The following SLC25A19 variants were observed in gnomAD, a reference collection of about 807,000 sequenced individuals.
SLC25A19 encodes the protein solute carrier family 25 member 19.
In SLC25A19, 18 loss-of-function variants were observed where a neutral mutation model predicts 27.9. That is an observed-to-expected ratio of 0.64 (90% CI 0.45 to 0.96). The LOEUF is 0.96. Among genes scored for constraint, SLC25A19 ranks in the 40% least tolerant of loss-of-function variants. The probability of loss-of-function intolerance (pLI) is 0.00; values close to 1 mark genes in which losing one functional copy is unlikely to be tolerated. For missense variants in SLC25A19, 371 were observed against 418.3 expected, an observed-to-expected ratio of 0.89 and a Z score of 0.99; for synonymous variants, 169 against 167.1, an observed-to-expected ratio of 1.01 and a Z score of -0.09.
chr17:75,280,622 G>C (rs970988497), intron 5 of SLC25A19, among the ~76,000 whole-genome samples: 1 of 152,008 alleles, frequency 6.6e-6, no homozygotes, highest in Non-Finnish European at 1.5e-5. Context: ...AGACCAGCCT[G>C]GCCAACATGG....
chr17:75,286,367 C>G lies in SLC25A19; in HGVS notation c.225G>C (p.Pro75=). The part of the protein sequence containing the change: ...ASRQILQEEG[P]TAFWKGHVPA... The stretch of plus-strand genomic sequence containing the variant: ...GGACGTGTCCTTTCCAGAAAGCTGT[C>G]GGACCCTCCTCCTGCAGAATCTGCC... The change falls in exon 4 of 8, where the codon CCG becomes CCC. Residue 75 remains proline, a synonymous_variant. Transcript: ENST00000416858. The G allele has an allele frequency of 3.7e-6, 6 of 1,614,130 alleles. No individual in the cohort carries two copies. The highest frequency in any genetic ancestry group is 5.1e-6 in the Non-Finnish European group (6 of 1,180,042).
intron 5 of SLC25A19, among the ~76,000 whole-genome samples, chr17:75,282,307 T>C (rs1047976217): frequency 2.0e-5 from 3 of 152,088 alleles, no homozygotes; most frequent in Non-Finnish European, 4.4e-5. Context: ...TCCTAGCACT[T>C]TGGGAGGCCG....
intron 5 of SLC25A19, among the ~76,000 whole-genome samples, chr17:75,278,944 C>T (rs960600735): frequency 2.0e-5 from 3 of 151,392 alleles, no homozygotes; most frequent in Admixed American, 6.6e-5. Context: ...GATTGTACCA[C>T]GGCACTCCAA....
At chr17:75,281,491 GT>G (rs1315328171) in intron 5 of SLC25A19, among the ~76,000 whole-genome samples, 1 of 152,092 alleles carries the variant, frequency 6.6e-6, no homozygotes, top group Non-Finnish European at 1.5e-5. Context: ...GAAGTCAAGA[GT>G]TTGAGACCAG....
chr17:75,287,294 A>T (rs1252744086), intron 2 of SLC25A19: 1 of 159,340 alleles, frequency 6.3e-6, no homozygotes, highest in Non-Finnish European at 1.3e-5. Flanking sequence ...TTTTGTAGAG[A>T]TAAGGTCTCA....
chr17:75,273,535 G>C lies in SLC25A19; in HGVS notation c.879C>G (p.Ala293=). 1 of 1,614,156 alleles carries C rather than the reference G, an allele frequency of 6.2e-7. No individual in the cohort carries two copies. The highest frequency in any genetic ancestry group is 8.5e-7 in the Non-Finnish European group (1 of 1,180,032). ...KGLSPSLLKA[A]LSTGFMFFSY... ...AGAAGAACATGAAGCCTGTGGAGAG[G>C]GCAGCCTTCAGCAAGCTGGGGGACA... Residue 293 remains alanine, a synonymous_variant, in exon 8 of 8, where the codon GCC becomes GCG. Transcript: ENST00000416858.
Position 75,278,246 on chromosome 17 carries a change from G to A in SLC25A19, c.549C>T (p.Ile183=), listed in dbSNP as rs781676267. 27 of 1,613,944 alleles carry A rather than the reference G, an allele frequency of 1.7e-5. No homozygotes were observed. The East Asian group carries it at 2.5e-4, about 15-fold the overall frequency. Residue 183 remains isoleucine (I), a synonymous_variant, in exon 6 of 8, where the codon ATC becomes ATT. Coordinates refer to ENST00000416858, the MANE Select transcript of SLC25A19 (RefSeq NM_001126121.2). ...VFYKGLAPTL[I]AIFPYAGLQF... is the part of the protein sequence containing the mutation. ...GCAGCCCGGCGTAGGGGAAGATGGC[G>A]ATCAAGGTGGGAGCCAAGCCTTTGT...
chr17:75,281,621 CA>C (rs562196651), intron 5 of SLC25A19, among the ~76,000 whole-genome samples: 308 of 152,272 alleles, frequency 2.0e-3, no homozygotes, highest in Non-Finnish European at 3.7e-3. Flanking sequence ...CGCTTGAACC[CA>C]GGAGGCAGAG....
At chr17:75,285,522 G>A (rs1245643032) in intron 4 of SLC25A19, among the ~76,000 whole-genome samples, 1 of 152,246 alleles carries the variant, frequency 6.6e-6, no homozygotes, top group Non-Finnish European at 1.5e-5. Context: ...CAGCCAGTAA[G>A]CACCTGACTT....
chr17:75,273,476 A>T lies in SLC25A19; in HGVS notation c.938T>A (p.Met313Lys). The T allele has an allele frequency of 6.2e-7, 1 of 1,614,110 alleles. No individual in the cohort carries two copies. Among genetic ancestry groups the T allele is most frequent in the Non-Finnish European group, 8.5e-7 (1 of 1,180,030 alleles). ...YEFFCNVFHC[M>K]NRTASQR is the part of the protein sequence containing the mutation. ...TCAGCGCTGGCTGGCTGTCCTGTTCATGCAGTGGAAGACATTACAGAAGAA... is the reference window on the plus strand; with the variant it reads ...TCAGCGCTGGCTGGCTGTCCTGTTCTTGCAGTGGAAGACATTACAGAAGAA... The change falls in exon 8 of 8, where the codon ATG (methionine) becomes AAG (lysine). Residue 313 changes from methionine to lysine, a missense_variant. Transcript: ENST00000416858.
chr17:75,283,326 A>AAAAT (rs922284797), intron 5 of SLC25A19, 97 bp downstream of exon 5: 110 of 1,312,460 alleles, frequency 8.4e-5, no homozygotes, highest in Admixed American at 3.8e-4. Flanking sequence ...GAACAAAACA[A>AAAAT]AAATAAATAA....
At chr17:75,273,825 A>G (rs2077791774) in intron 7 of SLC25A19, 186 bp from the exon 8 acceptor site, 2 of 580,248 alleles carry the variant, frequency 3.4e-6, no homozygotes, top group South Asian at 1.9e-5. Context: ...CAGTGGCACA[A>G]TCTTGGCTCA....
At chr17:75,281,514 T>C (rs375248647) in intron 5 of SLC25A19, among the ~76,000 whole-genome samples, 88 of 152,066 alleles carry the variant, frequency 5.8e-4, no homozygotes, top group African/African-American at 2.1e-3. Context: ...CTGGCCGACA[T>C]GGTGAAACCC....
At chr17:75,277,585 C>T in intron 6 of SLC25A19, 102 bp from the exon 7 acceptor site, 1 of 1,364,778 alleles carries the variant, frequency 7.3e-7, no homozygotes, top group Non-Finnish European at 1.0e-6. Context: ...CAAACCAAAC[C>T]CCACAAGCGC....
chr17:75,275,284 C>T (rs1449632856), intron 7 of SLC25A19, among the ~76,000 whole-genome samples: 1 of 152,046 alleles, frequency 6.6e-6, no homozygotes, highest in East Asian at 1.9e-4. Flanking sequence ...TGATCCACTG[C>T]AGCTGGCTTG....
rs535739194 is a variant in SLC25A19 at position 75,284,654 on chromosome 17, T to A, written c.289-1061A>T. ...CTTTCTTTTTTTTTTTTTTTTTTTT[T>A]TTTTAGGGACAAGAGTGTCTCTCTG... On this transcript the variant is annotated intron_variant, in intron 4 of 7. Transcript: ENST00000416858. Among the ~76,000 whole-genome samples, 304 of 149,952 alleles carry A rather than the reference T, an allele frequency of 2.0e-3. 5 individuals are homozygous for A. The South Asian group carries it at 0.032, about 16-fold the overall frequency.
At chr17:75,276,582 G>A (rs531509162) in intron 7 of SLC25A19, among the ~76,000 whole-genome samples, 1 of 149,180 alleles carries the variant, frequency 6.7e-6, no homozygotes, top group African/African-American at 2.4e-5. Context: ...TGATCAGGCT[G>A]GTCTAGAACT....
intron 4 of SLC25A19, 74 bp from the exon 5 acceptor site, chr17:75,283,667 C>G: frequency 6.8e-7 from 1 of 1,473,444 alleles, no homozygotes; most frequent in Non-Finnish European, 9.4e-7. Flanking sequence ...CCAAATACAT[C>G]ACCCGTGACC....
chr17:75,283,326 A>T, intron 5 of SLC25A19, 97 bp downstream of exon 5: 1 of 1,312,470 alleles, frequency 7.6e-7, no homozygotes, highest in Non-Finnish European at 1.0e-6. Flanking sequence ...GAACAAAACA[A>T]AAATAAATAA....
Sources: allele counts gnomAD v4.1 joint callset (sites outside exome capture counted in the v4.1 genomes callset), GRCh38; gene constraint gnomAD v4.1.1; transcripts MANE v1.5; gene names NCBI Gene and HGNC (gene_info 2026-07-23, HGNC 2026-07-21).